Variants in LYZL1 observed in about 807,000 individuals in gnomAD.
The protein encoded by LYZL1 is lysozyme like 1, also known as lysozyme-like protein 1.
Under a neutral mutation model 17.9 loss-of-function variants are expected in LYZL1, and 16 were observed. The ratio of observed to expected loss-of-function variants is 0.90; its 90% confidence interval spans 0.61 to 1.36. LYZL1 has a LOEUF of 1.36. Ranked by LOEUF, LYZL1 falls within the 40% of genes most tolerant of loss-of-function variation. The probability of loss-of-function intolerance (pLI) is 0.00; values close to 1 mark genes in which losing one functional copy is unlikely to be tolerated. For missense variants in LYZL1, 149 were observed against 188.4 expected, an observed-to-expected ratio of 0.79 and a Z score of 1.22; for synonymous variants, 58 against 71.8, an observed-to-expected ratio of 0.81 and a Z score of 0.97.
chr10:29,318,141 A>G, intron 4 of LYZL1: 1 of 985,306 alleles, frequency 1.0e-6, no homozygotes, highest in Non-Finnish European at 1.2e-6. Context: ...GAGGCTGTTT[A>G]TTTTCACAGG....
chr10:29,309,732 G>A (rs190417822), intron 3 of LYZL1, among the ~76,000 whole-genome samples: 26 of 152,262 alleles, frequency 1.7e-4, no homozygotes, highest in African/African-American at 5.8e-4. Context: ...CTGGCCTCAA[G>A]GGATGCTCCC....
At chr10:29,304,521 T>C (rs1835565539) in intron 3 of LYZL1, among the ~76,000 whole-genome samples, 1 of 151,982 alleles carries the variant, frequency 6.6e-6, no homozygotes, top group Non-Finnish European at 1.5e-5. Flanking sequence ...TAACTGAAAA[T>C]AGGACTGAAG....
downstream of LYZL1, among the ~76,000 whole-genome samples, chr10:29,314,732 T>C (rs1835709228): frequency 6.6e-6 from 1 of 152,120 alleles, no homozygotes; most frequent in Non-Finnish European, 1.5e-5. Context: ...TCAAATCAAG[T>C]TCATGTTTAT....
intron 3 of LYZL1, among the ~76,000 whole-genome samples, chr10:29,302,479 T>C (rs974860709): frequency 4.6e-5 from 7 of 152,290 alleles, no homozygotes; most frequent in Admixed American, 1.3e-4. Context: ...GGAAGAGGTG[T>C]TGCTAGTAAG....
chr10:29,314,893 G>A (rs1374574654), downstream of LYZL1, among the ~76,000 whole-genome samples: 2 of 152,156 alleles, frequency 1.3e-5, no homozygotes, highest in Admixed American at 1.3e-4. Context: ...TGCCCTGCGG[G>A]GATCTTCAGA....
chr10:29,289,228 T>C lies in LYZL1; in HGVS notation c.-28T>C. The C allele has an allele frequency of 6.3e-7, 1 of 1,576,560 alleles. No homozygotes were observed. Among genetic ancestry groups the C allele is most frequent in the Non-Finnish European group, 8.6e-7 (1 of 1,161,666 alleles). Reference sequence around the variant, plus strand: ...GGGCAGGCACCAGGAATCTGCCTTTTCAGTAAGACCTAAATTACTCTTATG... The same window carrying C: ...GGGCAGGCACCAGGAATCTGCCTTTCCAGTAAGACCTAAATTACTCTTATG... On this transcript the variant is annotated splice_region_variant and 5_prime_UTR_variant, in exon 1 of 5. Transcript: ENST00000649382.
chr10:29,306,796 A>ATGTGTGTGTGTGTGTGTGTG (rs35332190), intron 3 of LYZL1, among the ~76,000 whole-genome samples: 3 of 141,086 alleles, frequency 2.1e-5, no homozygotes, highest in African/African-American at 8.0e-5. Context: ...CCGCTTATGT[A>ATGTGTGTGTGTGTGTGTGTG]TGTGTGTGTG....
intron 3 of LYZL1, among the ~76,000 whole-genome samples, chr10:29,306,135 T>C (rs1235374971): frequency 1.4e-4 from 21 of 152,228 alleles, no homozygotes; most frequent in Non-Finnish European, 2.8e-4. Flanking sequence ...GTCTTTTTTT[T>C]CTAAACCAGT....
chr10:29,308,486 C>T (rs1415395175), intron 3 of LYZL1, among the ~76,000 whole-genome samples: 5 of 152,142 alleles, frequency 3.3e-5, no homozygotes. Flanking sequence ...CCCATCGCAG[C>T]GTCTGTTCCT....
chr10:29,311,884 G>A (rs1266627261), downstream of LYZL1, among the ~76,000 whole-genome samples: 2 of 152,082 alleles, frequency 1.3e-5, no homozygotes, highest in Non-Finnish European at 2.9e-5. Flanking sequence ...AGGCTGAGGT[G>A]GGAGGTGGAG....
At chr10:29,299,008 A>G (rs1402741433) in intron 3 of LYZL1, among the ~76,000 whole-genome samples, 1 of 152,234 alleles carries the variant, frequency 6.6e-6, no homozygotes, top group African/African-American at 2.4e-5. Flanking sequence ...GCAACTGGAC[A>G]GTCCCATCTG....
At chr10:29,316,505 A>C (rs1324640492) in intron 3 of LYZL1, among the ~76,000 whole-genome samples, 2 of 152,192 alleles carry the variant, frequency 1.3e-5, no homozygotes, top group Non-Finnish European at 2.9e-5. Context: ...TCACTGATGT[A>C]ACCCAAAAGA....
chr10:29,304,849 TCCAACTTTCAAAA>T (rs1835569504), intron 3 of LYZL1, among the ~76,000 whole-genome samples: 1 of 152,122 alleles, frequency 6.6e-6, no homozygotes, highest in Non-Finnish European at 1.5e-5. Context: ...TTCAGTCAAG[TCCAACTTTCAAAA>T]CATCCCAACT....
rs1451531144 is a variant in LYZL1, at chr10:29,311,028, C to T, written c.416C>T (p.Ser139Phe). Reference sequence around the variant, plus strand: ...AAACATTGTGAGGGCAGAGACCTGTCCGAGTGGAAAAAAGGCTGTGAGGTT... The same window carrying T: ...AAACATTGTGAGGGCAGAGACCTGTTCGAGTGGAAAAAAGGCTGTGAGGTT... The part of the protein sequence containing the change: ...WKKHCEGRDL[S>F]EWKKGCEVS Residue 139 changes from serine (S) to phenylalanine (F), a missense_variant, in exon 5 of 5, where the codon TCC becomes TTC. This residue lies in a region of LYZL1 where 130 missense variants were observed against 132.5 expected (regional missense o/e 0.98). Coordinates refer to ENST00000649382, the MANE Select transcript of LYZL1 (RefSeq NM_032517.6). The T allele has an allele frequency of 6.2e-7, 1 of 1,614,120 alleles. No homozygotes were observed. The highest frequency in any genetic ancestry group is 1.7e-4 in the Middle Eastern group (1 of 6,060).
intron 3 of LYZL1, among the ~76,000 whole-genome samples, chr10:29,294,039 G>A (rs1453939677): frequency 6.6e-6 from 1 of 151,986 alleles, no homozygotes; most frequent in Admixed American, 6.6e-5. Flanking sequence ...TATTTGACCC[G>A]AGACTTAGAA....
Position 29,299,057 on chromosome 10 carries a change from G to A in LYZL1, c.298+6380G>A, listed in dbSNP as rs114974871. Among the ~76,000 whole-genome samples, 637 of 152,254 alleles carry A rather than the reference G, an allele frequency of 4.2e-3. 6 individuals are homozygous for A. Among genetic ancestry groups the A allele is most frequent in the African/African-American group, 0.014 (586 of 41,538 alleles). ...ACAGCGGTAGATCATCAGGCATTAG[G>A]TTCTCATAAGGACCGTGCAACCTAG... On this transcript the variant is annotated intron_variant, in intron 3 of 4. Transcript: ENST00000649382.
chr10:29,310,435 C>T (rs1442609836), intron 4 of LYZL1, among the ~76,000 whole-genome samples: 35 of 150,686 alleles, frequency 2.3e-4, no homozygotes, highest in Admixed American at 2.1e-3. Flanking sequence ...GAACGTATTC[C>T]AAACAATGGA....
At chr10:29,311,454 A>G (rs549490203), downstream of LYZL1, among the ~76,000 whole-genome samples, 4 of 152,154 alleles carry the variant, frequency 2.6e-5, no homozygotes, top group South Asian at 8.3e-4. Flanking sequence ...AGGAACTAGG[A>G]GCACCTGAGG....
intron 3 of LYZL1, among the ~76,000 whole-genome samples, chr10:29,302,102 A>G (rs1029072021): frequency 1.3e-5 from 2 of 152,150 alleles, no homozygotes; most frequent in Non-Finnish European, 2.9e-5. Flanking sequence ...TGTAGAATCA[A>G]CTGTCATTTC....
Sources: allele counts gnomAD v4.1 joint callset (sites outside exome capture counted in the v4.1 genomes callset), GRCh38; gene constraint gnomAD v4.1.1; regional missense constraint gnomAD v4.1.1; transcripts MANE v1.5; gene names NCBI Gene and HGNC (gene_info 2026-07-23, HGNC 2026-07-21).